TTBK2: variants seen among roughly 807,000 people sequenced by gnomAD.
TTBK2 encodes the protein tau tubulin kinase 2.
In TTBK2, 28 loss-of-function variants were observed where a neutral mutation model predicts 110.8. The ratio of observed to expected loss-of-function variants is 0.25; its 90% CI spans 0.19 to 0.35. The LOEUF (loss-of-function observed/expected upper bound fraction) is 0.35. TTBK2 is among the 10% of genes least tolerant of loss of function. The probability of loss-of-function intolerance (pLI) is 1.00; values close to 1 mark genes in which losing one functional copy is unlikely to be tolerated. For synonymous variants in TTBK2, 532 were observed against 527.3 expected, an observed-to-expected ratio of 1.01 and a Z score of -0.12; for missense variants, 1,369 against 1,500.3, an observed-to-expected ratio of 0.91 and a Z score of 1.45.
At chr15:42,908,754 A>G (rs1046170976) in intron 1 of TTBK2, among the ~76,000 whole-genome samples, 1 of 151,964 alleles carries the variant, frequency 6.6e-6, no homozygotes, top group Admixed American at 6.6e-5. Context: ...TGACTCAGCA[A>G]CTCCTTTACT....
intron 11 of TTBK2, among the ~76,000 whole-genome samples, chr15:42,780,339 T>A (rs1344418800): frequency 6.6e-6 from 1 of 150,922 alleles, no homozygotes; most frequent in Non-Finnish European, 1.5e-5. Context: ...GGGCAAGTCA[T>A]TCTTTTTCTT....
chr15:42,907,573 A>C lies in TTBK2; in HGVS notation c.-68+12865T>G, dbSNP rs577010182. On this transcript the variant is annotated intron_variant, in intron 1 of 14. Coordinates refer to ENST00000267890, the MANE Select transcript of TTBK2 (RefSeq NM_173500.4). ...GAAATAAGCCAAGTACAGAAAAATAAATGTTGTATGTTTTCACTCATATGC... is the reference window on the plus strand; with the variant it reads ...GAAATAAGCCAAGTACAGAAAAATACATGTTGTATGTTTTCACTCATATGC... Among the ~76,000 whole-genome samples, 4 of 152,338 alleles carry C rather than the reference A, an allele frequency of 2.6e-5. No individual in the cohort carries two copies. In the South Asian group the frequency reaches 8.3e-4, roughly 32 times the overall value.
At chr15:42,763,930 G>T (rs1485131991) in intron 13 of TTBK2, among the ~76,000 whole-genome samples, 3 of 152,100 alleles carry the variant, frequency 2.0e-5, no homozygotes, top group Non-Finnish European at 2.9e-5. Flanking sequence ...GTCTTTAAAG[G>T]GGTTTCCAAT....
At chr15:42,786,954 G>A (rs1181368823) in intron 10 of TTBK2, among the ~76,000 whole-genome samples, 1 of 152,158 alleles carries the variant, frequency 6.6e-6, no homozygotes, top group African/African-American at 2.4e-5. Flanking sequence ...CATGGTCTGT[G>A]TTTCCAGGCA....
chr15:42,867,256 A>AAAAAAG (rs1894414280), intron 3 of TTBK2, among the ~76,000 whole-genome samples: 1 of 151,208 alleles, frequency 6.6e-6, no homozygotes, highest in African/African-American at 2.4e-5. Context: ...AAAAAAAAAA[A>AAAAAAG]AAAAGAAAAG....
chr15:42,898,144 G>GT (rs1359529066), intron 1 of TTBK2, among the ~76,000 whole-genome samples: 1 of 152,120 alleles, frequency 6.6e-6, no homozygotes, highest in African/African-American at 2.4e-5. Context: ...AAGTAAATGG[G>GT]TAAGGGGATG....
At chr15:42,806,605 C>T (rs1891478886) in intron 9 of TTBK2, among the ~76,000 whole-genome samples, 1 of 152,156 alleles carries the variant, frequency 6.6e-6, no homozygotes, top group Admixed American at 6.5e-5. Context: ...TCTTTCAGTC[C>T]TTTCTCCCAT....
chr15:42,897,769 CA>C (rs1895722330), intron 1 of TTBK2, among the ~76,000 whole-genome samples: 1 of 150,816 alleles, frequency 6.6e-6, no homozygotes. Flanking sequence ...AGAAGATGTA[CA>C]AGAGGTAACT....
chr15:42,835,802 T>G (rs766155291), intron 4 of TTBK2, among the ~76,000 whole-genome samples: 10 of 151,902 alleles, frequency 6.6e-5, no homozygotes, highest in Non-Finnish European at 7.4e-5. Context: ...GGATTAGCTA[T>G]TAATTTCGGG....
intron 12 of TTBK2, among the ~76,000 whole-genome samples, chr15:42,776,067 G>A (rs1467824227): frequency 1.3e-5 from 2 of 152,118 alleles, no homozygotes; most frequent in East Asian, 1.9e-4. Context: ...CCATCCTTTC[G>A]ATCGTGTGAG....
At chr15:42,756,605 A>G (rs1473327306) in intron 13 of TTBK2, among the ~76,000 whole-genome samples, 2 of 152,096 alleles carry the variant, frequency 1.3e-5, no homozygotes, top group Non-Finnish European at 2.9e-5. Flanking sequence ...CAAACAAACA[A>G]AAAACTCCAT....
At chr15:42,775,099 G>A (rs1889842235) in intron 13 of TTBK2, 36 bp downstream of exon 13, 2 of 1,595,678 alleles carry the variant, frequency 1.3e-6, no homozygotes, top group Non-Finnish European at 1.7e-6. Context: ...ACCTTGAGTG[G>A]ATAACAGAGA....
intron 3 of TTBK2, among the ~76,000 whole-genome samples, chr15:42,842,686 G>A (rs1461029446): frequency 2.7e-5 from 4 of 150,456 alleles, no homozygotes; most frequent in African/African-American, 9.8e-5. Flanking sequence ...AGGAGTTTGA[G>A]ACCAGCCTGG....
In TTBK2 at chr15:42,742,987, G is replaced by A. The variant is rs2061759880; in HGVS notation, c.*2808C>T. On this transcript the variant is annotated 3_prime_UTR_variant, in exon 15 of 15. Coordinates refer to ENST00000267890, the MANE Select transcript of TTBK2 (RefSeq NM_173500.4). ...CCCTGTGTCACAGGTGCTTGCTCAG[G>A]GCTGCCAACTTCTATTTTTCACCTG... The A allele has an allele frequency of 6.6e-6, 1 of 152,036 alleles. No homozygotes were observed. Among genetic ancestry groups the A allele is most frequent in the African/African-American group, 2.4e-5 (1 of 41,386 alleles). The allele number at this position is 152,036 out of a possible 1,614,324, so 9.4% of individuals were successfully genotyped here.
At chr15:42,755,921 T>G (rs535549262) in intron 13 of TTBK2, among the ~76,000 whole-genome samples, 21 of 152,238 alleles carry the variant, frequency 1.4e-4, no homozygotes, top group Non-Finnish European at 2.5e-4. Flanking sequence ...TCGGGCCAGG[T>G]GTGGTGGCTC....
At chr15:42,806,160 A>G (rs1891459377) in intron 9 of TTBK2, among the ~76,000 whole-genome samples, 1 of 152,238 alleles carries the variant, frequency 6.6e-6, no homozygotes, top group Non-Finnish European at 1.5e-5. Context: ...AGCTACTTGG[A>G]AGGCTGAGGC....
At position 42,827,061 on chromosome 15, in the gene TTBK2, T is replaced by A. The variant is rs144826530; in HGVS notation, c.537+867A>T. On this transcript the variant is annotated intron_variant, in intron 6 of 14. Transcript: ENST00000267890. ...CAAGATATTGTCATAAACAATAAAGTAACTGGCTTGCAATTAGTGAAGTTC... is the reference window on the plus strand; with the variant it reads ...CAAGATATTGTCATAAACAATAAAGAAACTGGCTTGCAATTAGTGAAGTTC... 1.2e-4 allele frequency among the ~76,000 whole-genome samples: 18 copies of A among 152,308 alleles called. No homozygotes were observed. The East Asian group carries it at 3.5e-3, about 29-fold the overall frequency.
At chr15:42,898,105 C>T (rs1305346063) in intron 1 of TTBK2, among the ~76,000 whole-genome samples, 2 of 151,938 alleles carry the variant, frequency 1.3e-5, no homozygotes, top group Non-Finnish European at 2.9e-5. Context: ...CCAGGGATGT[C>T]GAGGCTAACT....
intron 9 of TTBK2, among the ~76,000 whole-genome samples, chr15:42,797,683 G>C (rs1291649021): frequency 2.0e-5 from 3 of 152,002 alleles, no homozygotes; most frequent in African/African-American, 4.8e-5. Flanking sequence ...CATCACATTT[G>C]GTTATGATAA....
Sources: allele counts gnomAD v4.1 joint callset (sites outside exome capture counted in the v4.1 genomes callset), GRCh38; gene constraint gnomAD v4.1.1; transcripts MANE v1.5; gene names NCBI Gene and HGNC (gene_info 2026-07-23, HGNC 2026-07-21).